SIPA1L2: variants seen among roughly 807,000 people sequenced by gnomAD.
SIPA1L2 encodes the protein signal-induced proliferation-associated 1-like protein 2.
A neutral mutation model predicts 163.9 loss-of-function variants in SIPA1L2; 56 were observed. The ratio of observed to expected loss-of-function variants is 0.34; its 90% CI spans 0.28 to 0.43. The LOEUF is 0.43. SIPA1L2 is among the 20% of genes least tolerant of loss of function. The pLI is 1.00. For synonymous variants in SIPA1L2, 877 were observed against 865.7 expected (o/e 1.01, Z -0.23); for missense variants, 1,974 against 2,193.5 (o/e 0.90, Z 2.00).
At chr1:232,603,705 T>C (rs997709163) in intron 1 of SIPA1L2, among the ~76,000 whole-genome samples, 6 of 152,132 alleles carry the variant, frequency 3.9e-5, no homozygotes, top group Middle Eastern at 3.4e-3. Context: ...AGCGAGGTCA[T>C]GGAAACCCAC....
At chr1:232,550,366 C>T (rs1361560250) in intron 2 of SIPA1L2, among the ~76,000 whole-genome samples, 2 of 152,176 alleles carry the variant, frequency 1.3e-5, no homozygotes, top group South Asian at 2.1e-4. Flanking sequence ...TAATTACTAT[C>T]TATTTTCAAA....
At chr1:232,630,225 C>T (rs1663320682), upstream of SIPA1L2, among the ~76,000 whole-genome samples, 1 of 151,744 alleles carries the variant, frequency 6.6e-6, no homozygotes, top group Non-Finnish European at 1.5e-5. Context: ...GCCTGCAGGC[C>T]CCCTCGGCCC....
intron 16 of SIPA1L2, among the ~76,000 whole-genome samples, chr1:232,430,222 AG>A (rs1220126854): frequency 1.3e-5 from 2 of 152,214 alleles, no homozygotes; most frequent in African/African-American, 4.8e-5. Flanking sequence ...AAGACACTGT[AG>A]GAAGTACTGA....
chr1:232,437,629 G>C (rs1016686642), intron 15 of SIPA1L2, among the ~76,000 whole-genome samples: 3 of 152,246 alleles, frequency 2.0e-5, no homozygotes, highest in African/African-American at 7.2e-5. Flanking sequence ...CAGCTGCACA[G>C]CTTGGTGACA....
chr1:232,484,971 T>C (rs929663199), intron 5 of SIPA1L2, among the ~76,000 whole-genome samples: 13 of 152,322 alleles, frequency 8.5e-5, no homozygotes, highest in African/African-American at 3.1e-4. Context: ...ATGATACTCA[T>C]TTCCCTTGAG....
intron 1 of SIPA1L2, among the ~76,000 whole-genome samples, chr1:232,621,030 T>G (rs747286334): frequency 6.6e-6 from 1 of 152,196 alleles, no homozygotes; most frequent in Non-Finnish European, 1.5e-5. Flanking sequence ...TAGCAAAATA[T>G]AAATGCAAAA....
In SIPA1L2 at chr1:232,576,114, A is replaced by G. The variant is rs149090852; in HGVS notation, c.-318-1892T>C. Among the ~76,000 whole-genome samples the G allele has an allele frequency of 2.6e-3, 389 of 152,314 alleles. 1 individual carries two copies. The highest frequency in any genetic ancestry group is 2.7e-3 in the Non-Finnish European group (183 of 68,026). ...GATGGTTGCACAACAGTCTCAATCT[A>G]CGTAACATCAGTGGACGTCTAGTAC... On this transcript the variant is annotated intron_variant, in intron 1 of 22. Transcript: ENST00000674635.
intron 4 of SIPA1L2, among the ~76,000 whole-genome samples, chr1:232,491,835 CA>C (rs1376396706): frequency 6.6e-6 from 1 of 152,128 alleles, no homozygotes; most frequent in Non-Finnish European, 1.5e-5. Flanking sequence ...CATAATGTTC[CA>C]TAACACTGGA....
chr1:232,458,095 C>T (rs936767937), intron 10 of SIPA1L2, among the ~76,000 whole-genome samples: 1 of 152,090 alleles, frequency 6.6e-6, no homozygotes, highest in African/African-American at 2.4e-5. Context: ...TGGAACGTTG[C>T]TACTAGGCAA....
At chr1:232,443,106 G>A (rs540998739) in intron 12 of SIPA1L2, among the ~76,000 whole-genome samples, 95 of 152,310 alleles carry the variant, frequency 6.2e-4, no homozygotes, top group Non-Finnish European at 1.0e-3. Flanking sequence ...CAGAGGTGGT[G>A]GGATTGGTCA....
chr1:232,571,911 C>G (rs1003057755), intron 2 of SIPA1L2, among the ~76,000 whole-genome samples: 2 of 152,166 alleles, frequency 1.3e-5, no homozygotes, highest in African/African-American at 4.8e-5. Flanking sequence ...TGAATTAAAC[C>G]CCTTTTCTTT....
In SIPA1L2 at chr1:232,460,811, G is replaced by A; in HGVS notation, c.3095+76C>T. On this transcript the variant is annotated intron_variant, in intron 10 of 22. Transcript: ENST00000674635. ...CTTGACTGCATTTTCTGAGGACCTT[G>A]CAGGAGCACTGAGGACAGCCACCTG... 2.6e-6 allele frequency: 4 copies of A among 1,531,432 alleles called. No homozygotes were observed. The East Asian group carries it at 9.2e-5, about 35-fold the overall frequency. 94.9% of individuals were successfully genotyped at this position (1,531,432 alleles called of 1,614,324 possible).
chr1:232,534,973 T>C (rs76028954), intron 2 of SIPA1L2, among the ~76,000 whole-genome samples: 2 of 152,292 alleles, frequency 1.3e-5, no homozygotes, highest in East Asian at 3.9e-4. Flanking sequence ...ACTGGTAGCT[T>C]TATACTCACA....
chr1:232,561,957 C>A (rs1659060696), intron 2 of SIPA1L2, among the ~76,000 whole-genome samples: 1 of 152,166 alleles, frequency 6.6e-6, no homozygotes, highest in African/African-American at 2.4e-5. Context: ...AAAGAGGAGG[C>A]CATAAAGCCA....
chr1:232,621,366 C>G (rs1240208845), intron 1 of SIPA1L2, among the ~76,000 whole-genome samples: 7 of 152,128 alleles, frequency 4.6e-5, no homozygotes, highest in Non-Finnish European at 8.8e-5. Flanking sequence ...TAGTTCCCTC[C>G]CTCTCTCCCT....
At chr1:232,613,696 A>T (rs75925783) in intron 1 of SIPA1L2, among the ~76,000 whole-genome samples, 1 of 62,414 alleles carries the variant, frequency 1.6e-5, no homozygotes, top group Admixed American at 1.3e-4. Context: ...CAAGAACAAA[A>T]TTTATGTGTG....
intron 2 of SIPA1L2, among the ~76,000 whole-genome samples, chr1:232,552,386 A>G (rs187909097): frequency 5.3e-5 from 8 of 152,126 alleles, no homozygotes; most frequent in Admixed American, 4.6e-4. Flanking sequence ...AGACTAAGTA[A>G]TTAGTAAATA....
In SIPA1L2 at chr1:232,466,739, C is replaced by T. The variant is rs530905575; in HGVS notation, c.2244-1323G>A. The stretch of plus-strand genomic sequence containing the variant: ...CTCGGAGGCGGAGCTTGCAGTGAGC[C>T]GAGATCACGCCACTGCACTCCAGCC... On this transcript the variant is annotated intron_variant, in intron 8 of 22. Transcript: ENST00000674635. 9.2e-5 allele frequency among the ~76,000 whole-genome samples: 14 copies of T among 152,080 alleles called. No homozygotes were observed. In the South Asian group the frequency reaches 1.2e-3, roughly 14 times the overall value.
chr1:232,430,586 A>C (rs970514725), intron 16 of SIPA1L2, among the ~76,000 whole-genome samples: 3 of 152,170 alleles, frequency 2.0e-5, no homozygotes, highest in African/African-American at 7.2e-5. Context: ...ATAAAACTTC[A>C]AATCTAGTTA....
Sources: gnomAD v4.1 joint callset for allele counts (sites outside exome capture counted in the v4.1 genomes callset) on GRCh38, gnomAD v4.1.1 for gene constraint, MANE v1.5 for transcripts, NCBI Gene and HGNC (gene_info 2026-07-23, HGNC 2026-07-21) for gene names.